The following ZNF723 variants were observed in gnomAD, a reference collection of about 807,000 sequenced individuals.
The protein encoded by ZNF723 is zinc finger protein 723, pseudogene.
A neutral mutation model predicts 9.4 loss-of-function variants in ZNF723; 5 were observed. The ratio of observed to expected loss-of-function variants is 0.53; its 90% CI spans 0.28 to 1.12. ZNF723 has a LOEUF of 1.12. ZNF723 is among the 50% of genes most tolerant of loss of function. The pLI, the probability that ZNF723 is intolerant of heterozygous loss-of-function variation, is 0.10. For synonymous variants in ZNF723, 158 were observed against 168.8 expected, an observed-to-expected ratio of 0.94 and a Z score of 0.49; for missense variants, 450 against 501.5, an observed-to-expected ratio of 0.90 and a Z score of 0.98.
the ZNF723 span, among the ~76,000 whole-genome samples, chr19:22,827,265 A>G: frequency 3.9e-5 from 6 of 152,260 alleles, no homozygotes; most frequent in Non-Finnish European, 8.8e-5. Context: ...GTAGTTGCAC[A>G]TGGTAGAATA....
intron 1 of ZNF723, among the ~76,000 whole-genome samples, chr19:22,847,050 T>A (rs985404767): frequency 2.0e-5 from 3 of 149,098 alleles, no homozygotes; most frequent in Admixed American, 1.3e-4. Flanking sequence ...TTTTTTTTTT[T>A]ACTATAATTT....
chr19:22,831,862 C>A (rs928059839), upstream of ZNF723, among the ~76,000 whole-genome samples: 7 of 151,462 alleles, frequency 4.6e-5, no homozygotes, highest in Non-Finnish European at 7.4e-5. Context: ...GAGCCGAGAT[C>A]GTGCCACGGC....
chr19:22,825,500 T>C, the ZNF723 span, among the ~76,000 whole-genome samples: 1 of 152,256 alleles, frequency 6.6e-6, no homozygotes, highest in Non-Finnish European at 1.5e-5. Flanking sequence ...GTGACATGAA[T>C]TGAGTCAAGA....
chr19:22,827,160 A>G, the ZNF723 span, among the ~76,000 whole-genome samples: 1 of 152,242 alleles, frequency 6.6e-6, no homozygotes, highest in African/African-American at 2.4e-5. Flanking sequence ...CACAATAGGT[A>G]TTAAATGTTC....
intron 1 of ZNF723, among the ~76,000 whole-genome samples, chr19:22,845,732 G>A (rs1407151037): frequency 2.9e-5 from 4 of 137,838 alleles, no homozygotes; most frequent in African/African-American, 8.0e-5. Flanking sequence ...CTTTTTCAGC[G>A]GGTCTTGGTA....
At chr19:22,823,458 A>C in the ZNF723 span, among the ~76,000 whole-genome samples, 1 of 152,224 alleles carries the variant, frequency 6.6e-6, no homozygotes, top group Non-Finnish European at 1.5e-5. Context: ...TGACTCTTCT[A>C]CCAGGACACA....
At chr19:22,826,960 C>T in the ZNF723 span, among the ~76,000 whole-genome samples, 3 of 152,170 alleles carry the variant, frequency 2.0e-5, no homozygotes, top group African/African-American at 7.2e-5. Context: ...TGCTTTTAAC[C>T]TACTTCATAA....
chr19:22,834,295 G>A (rs1967138806), intron 1 of ZNF723, among the ~76,000 whole-genome samples: 1 of 151,656 alleles, frequency 6.6e-6, no homozygotes, highest in Non-Finnish European at 1.5e-5. Flanking sequence ...AAAGAGATTC[G>A]TTTTCTATTT....
At chr19:22,857,065 T>C in intron 3 of ZNF723, 53 bp from the exon 4 acceptor site, 1 of 664,504 alleles carries the variant, frequency 1.5e-6, no homozygotes, top group Non-Finnish European at 2.6e-6. Flanking sequence ...TTGTAAAGTA[T>C]ATCCATCTGA....
At chr19:22,851,498 G>A (rs992488610) in intron 3 of ZNF723, among the ~76,000 whole-genome samples, 1 of 151,966 alleles carries the variant, frequency 6.6e-6, no homozygotes, top group African/African-American at 2.4e-5. Context: ...ATGCTGTCCA[G>A]CATGATTTTA....
intron 1 of ZNF723, among the ~76,000 whole-genome samples, chr19:22,838,527 G>A (rs938561501): frequency 4.6e-5 from 7 of 151,846 alleles, no homozygotes; most frequent in African/African-American, 9.7e-5. Context: ...ATTCCAGCCC[G>A]GTCGACAAAG....
At position 22,857,424 on chromosome 19, in the gene ZNF723, G is replaced by A. The variant is rs774303831; in HGVS notation, c.533G>A (p.Cys178Tyr). 6 of 905,222 alleles carry A rather than the reference G, an allele frequency of 6.6e-6. No individual in the cohort carries two copies. The highest frequency in any genetic ancestry group is 1.1e-5 in the Non-Finnish European group (6 of 541,548). 56.1% of individuals were successfully genotyped at this position (905,222 alleles called of 1,614,324 possible). ...TGNNSFKCKE[C>Y]GKSFCMLSHL... ...AATAATTCTTTCAAATGTAAAGAAT[G>A]TGGCAAATCATTTTGCATGCTTTCA... The change falls in exon 4 of 4, where the codon TGT (cysteine) becomes TAT (tyrosine). Residue 178 changes from cysteine to tyrosine, a missense_variant. Physicochemically the swap from Cys to Tyr is radical, Grantham distance 194. Transcript: ENST00000600766.
In ZNF723 at chr19:22,857,472, A is replaced by G. The variant is rs1967495989; in HGVS notation, c.581A>G (p.Asn194Ser). The change falls in exon 4 of 4, where the codon AAT (asparagine) becomes AGT (serine). Residue 194 changes from asparagine to serine, a missense_variant. Coordinates refer to ENST00000600766, the MANE Select transcript of ZNF723 (RefSeq NM_001349726.2). ...TCACACCTAACTAAACATGAAAGAA[A>G]TCATACTAGAGTGAATTGTTACAAA... ...MLSHLTKHERNHTRVNCYKCE... is the reference protein window; with the variant it reads ...MLSHLTKHERSHTRVNCYKCE... The G allele has an allele frequency of 7.4e-6, 8 of 1,087,110 alleles. No individual in the cohort carries two copies. Among genetic ancestry groups the G allele is most frequent in the Admixed American group, 5.4e-5 (3 of 55,460 alleles). The allele number at this position is 1,087,110 out of a possible 1,614,324, so 67.3% of individuals were successfully genotyped here.
chr19:22,849,390 CA>C, intron 3 of ZNF723, 97 bp downstream of exon 3: 1 of 468,426 alleles, frequency 2.1e-6, no homozygotes. Context: ...AGCTGTGTTC[CA>C]AAGAAAATAG....
At chr19:22,835,958 T>C (rs1282594688) in intron 1 of ZNF723, among the ~76,000 whole-genome samples, 1 of 152,218 alleles carries the variant, frequency 6.6e-6, no homozygotes, top group East Asian at 1.9e-4. Flanking sequence ...TGGGTTTTCT[T>C]GTTGAGGTAT....
the ZNF723 span, among the ~76,000 whole-genome samples, chr19:22,826,299 A>T: frequency 6.6e-6 from 1 of 152,190 alleles, no homozygotes; most frequent in African/African-American, 2.4e-5. Context: ...ATTGTGACAT[A>T]TACCTATGCC....
At chr19:22,844,710 G>A (rs760973704) in intron 1 of ZNF723, among the ~76,000 whole-genome samples, 1 of 152,200 alleles carries the variant, frequency 6.6e-6, no homozygotes, top group Admixed American at 6.5e-5. Context: ...TGTGCCAGAA[G>A]TAATTGTGTT....
At chr19:22,817,229 AT>A in the ZNF723 span, among the ~76,000 whole-genome samples, 1 of 152,162 alleles carries the variant, frequency 6.6e-6, no homozygotes, top group Non-Finnish European at 1.5e-5. Context: ...GCCCTGCCTA[AT>A]TTGAGAATTG....
chr19:22,829,682 AAATT>A (rs1263363915), upstream of ZNF723, among the ~76,000 whole-genome samples: 1 of 152,214 alleles, frequency 6.6e-6, no homozygotes, highest in East Asian at 1.9e-4. Context: ...AGAAATTGTT[AAATT>A]AATTATATTC....
Sources: gnomAD v4.1 joint callset for allele counts (sites outside exome capture counted in the v4.1 genomes callset) on GRCh38, gnomAD v4.1.1 for gene constraint, MANE v1.5 for transcripts, NCBI Gene and HGNC (gene_info 2026-07-23, HGNC 2026-07-21) for gene names.